The following ADAD1 variants were observed in gnomAD, a reference collection of about 807,000 sequenced individuals.
ADAD1 encodes adenosine deaminase domain containing 1, also known as adenosine deaminase domain-containing protein 1.
A neutral mutation model predicts 66.8 loss-of-function variants in ADAD1; 46 were observed. The observed-to-expected ratio is 0.69, with a 90% CI of 0.54 to 0.88. The LOEUF (loss-of-function observed/expected upper bound fraction) is 0.88. Among genes scored for constraint, ADAD1 ranks in the 40% least tolerant of loss-of-function variants. The pLI is 0.00. For synonymous variants in ADAD1, 248 were observed against 229.4 expected (o/e 1.08, Z -0.73); for missense variants, 617 against 681.8 (o/e 0.91, Z 1.06).
At chr4:122,389,753 CA>C (rs1182837410) in intron 5 of ADAD1, among the ~76,000 whole-genome samples, 1 of 152,036 alleles carries the variant, frequency 6.6e-6, no homozygotes, top group Non-Finnish European at 1.5e-5. Context: ...TGTGTCTTTG[CA>C]CATAAGATGG....
At chr4:122,400,262 A>G (rs960917288) in intron 7 of ADAD1, among the ~76,000 whole-genome samples, 1 of 152,172 alleles carries the variant, frequency 6.6e-6, no homozygotes, top group Non-Finnish European at 1.5e-5. Flanking sequence ...TATTGAGATG[A>G]TCACATAATT....
chr4:122,408,047 T>C lies in ADAD1; in HGVS notation c.848+16T>C, dbSNP rs1017752571. ...CTCTTCTTAGGTAAGACAATACATA[T>C]ATTAATGTTATTAAATATGAATGCC... is the stretch of plus-strand genomic sequence containing the variant. On this transcript the variant is annotated intron_variant, in intron 8 of 12. Transcript: ENST00000296513. 1.3e-6 allele frequency: 2 copies of C among 1,597,724 alleles called. No homozygotes were observed. The highest frequency in any genetic ancestry group is 1.7e-5 in the Admixed American group (1 of 57,888).
intron 9 of ADAD1, 36 bp from the exon 10 acceptor site, chr4:122,412,543 GT>G: frequency 6.3e-7 from 1 of 1,584,592 alleles, no homozygotes; most frequent in Non-Finnish European, 8.6e-7. Context: ...TGTCACCTTT[GT>G]TTTTTAAAGG....
chr4:122,424,445 G>T (rs1183346963), intron 12 of ADAD1, among the ~76,000 whole-genome samples: 1 of 152,056 alleles, frequency 6.6e-6, no homozygotes, highest in Non-Finnish European at 1.5e-5. Flanking sequence ...ATATAACAAA[G>T]GATTTGGTAA....
intron 5 of ADAD1, among the ~76,000 whole-genome samples, chr4:122,390,264 G>T (rs1795370881): frequency 6.6e-6 from 1 of 152,102 alleles, no homozygotes; most frequent in South Asian, 2.1e-4. Flanking sequence ...TAGGTGACCT[G>T]GCCTTTCTTT....
chr4:122,416,160 G>A (rs982591969), intron 11 of ADAD1, among the ~76,000 whole-genome samples: 1 of 152,062 alleles, frequency 6.6e-6, no homozygotes, highest in African/African-American at 2.4e-5. Flanking sequence ...CTCAAGCTAG[G>A]TTAAATATCT....
chr4:122,421,112 A>C, intron 11 of ADAD1, 149 bp from the exon 12 acceptor site: 1 of 392,876 alleles, frequency 2.5e-6, no homozygotes, highest in Non-Finnish European at 4.1e-6. Flanking sequence ...GTAAATATTA[A>C]GAATGCCTCT....
chr4:122,382,830 G>A (rs1794970030), intron 4 of ADAD1, among the ~76,000 whole-genome samples: 1 of 152,160 alleles, frequency 6.6e-6, no homozygotes, highest in Non-Finnish European at 1.5e-5. Context: ...AAAAGAACTT[G>A]GGAAACTGAA....
chr4:122,429,302 G>T (rs1359647470), intron 12 of ADAD1, among the ~76,000 whole-genome samples: 2 of 151,958 alleles, frequency 1.3e-5, no homozygotes, highest in Admixed American at 1.3e-4. Flanking sequence ...GGGCATGGTG[G>T]TGCATGCCTG....
chr4:122,409,886 G>C (rs1796392289), intron 8 of ADAD1, among the ~76,000 whole-genome samples: 1 of 152,010 alleles, frequency 6.6e-6, no homozygotes, highest in Non-Finnish European at 1.5e-5. Context: ...CTTTAGTAGA[G>C]AATGTTGCTG....
In ADAD1 at chr4:122,407,954, C is replaced by T. The variant is rs1335828820; in HGVS notation, c.771C>T (p.Tyr257=). Residue 257 remains tyrosine, a synonymous_variant, in exon 8 of 13, where the codon TAC becomes TAT. Transcript: ENST00000296513. ...VVAIGTGEYN[Y]SQDIKPDGRV... ...CTATAGGCACAGGTGAATACAATTA[C>T]AGCCAGGACATTAAGCCAGATGGAA... is the stretch of plus-strand genomic sequence containing the variant. 2 of 1,613,668 alleles carry T rather than the reference C, an allele frequency of 1.2e-6. No individual in the cohort carries two copies. Among genetic ancestry groups the T allele is most frequent in the South Asian group, 1.1e-5 (1 of 91,074 alleles).
chr4:122,406,901 A>G (rs562511592), intron 7 of ADAD1, among the ~76,000 whole-genome samples: 1 of 152,008 alleles, frequency 6.6e-6, no homozygotes, highest in Non-Finnish European at 1.5e-5. Context: ...TAAGCCCCAT[A>G]ATTGTTTCCT....
At chr4:122,392,052 TTC>T (rs1387637844) in intron 5 of ADAD1, among the ~76,000 whole-genome samples, 1 of 152,164 alleles carries the variant, frequency 6.6e-6, no homozygotes, top group Non-Finnish European at 1.5e-5. Context: ...TGTACAGTCT[TTC>T]TTTCTTTGTT....
At chr4:122,393,410 A>G (rs1193569495) in intron 5 of ADAD1, among the ~76,000 whole-genome samples, 179 bp from the exon 6 acceptor site, 1 of 152,136 alleles carries the variant, frequency 6.6e-6, no homozygotes, top group Non-Finnish European at 1.5e-5. Context: ...TGCATAAACA[A>G]TTTCAAAATA....
At chr4:122,398,338 G>A (rs980473964) in intron 7 of ADAD1, among the ~76,000 whole-genome samples, 2 of 151,932 alleles carry the variant, frequency 1.3e-5, no homozygotes, top group African/African-American at 4.8e-5. Context: ...GTGTGTGTGT[G>A]TGTGTGTGTC....
At chr4:122,396,398 A>T (rs764809946) in intron 7 of ADAD1, 21 bp downstream of exon 7, 1 of 1,547,856 alleles carries the variant, frequency 6.5e-7, no homozygotes, top group Non-Finnish European at 8.7e-7. Flanking sequence ...ATATTTGGGA[A>T]AAACTAATAT....
chr4:122,409,417 G>T (rs1796369226), intron 8 of ADAD1, among the ~76,000 whole-genome samples: 1 of 151,896 alleles, frequency 6.6e-6, no homozygotes, highest in Non-Finnish European at 1.5e-5. Context: ...GGTACATAGT[G>T]TATATGTTTA....
At chr4:122,380,821 A>G (rs1297285157) in intron 3 of ADAD1, among the ~76,000 whole-genome samples, 171 bp from the exon 4 acceptor site, 2 of 152,214 alleles carry the variant, frequency 1.3e-5, no homozygotes, top group Non-Finnish European at 2.9e-5. Context: ...GATAGATGCA[A>G]TAACATGTGG....
intron 12 of ADAD1, among the ~76,000 whole-genome samples, chr4:122,423,024 G>T (rs1330108162): frequency 6.7e-6 from 1 of 148,278 alleles, no homozygotes; most frequent in Non-Finnish European, 1.5e-5. Context: ...CTTTGAGCAA[G>T]AATTACAGGA....
Sources: allele counts gnomAD v4.1 joint callset (sites outside exome capture counted in the v4.1 genomes callset), GRCh38; gene constraint gnomAD v4.1.1; transcripts MANE v1.5; gene names NCBI Gene and HGNC (gene_info 2026-07-23, HGNC 2026-07-21).